The following IL7 variants were observed in gnomAD, a reference collection of about 807,000 sequenced individuals.
The protein encoded by IL7 is interleukin-7.
In IL7, 3 loss-of-function variants were observed where a neutral mutation model predicts 21.6. The observed-to-expected ratio is 0.14, with a 90% confidence interval of 0.06 to 0.36. IL7 has a LOEUF of 0.36. Ranked by LOEUF, IL7 falls within the 10% of genes least tolerant of loss-of-function variation. The probability of loss-of-function intolerance (pLI) is 1.00; values close to 1 mark genes in which losing one functional copy is unlikely to be tolerated. For synonymous variants in IL7, 62 were observed against 68.1 expected (o/e 0.91, Z 0.44); for missense variants, 175 against 200.2 (o/e 0.87, Z 0.76).
At chr8:78,780,809 C>T (rs1813303193) in intron 2 of IL7, among the ~76,000 whole-genome samples, 1 of 152,180 alleles carries the variant, frequency 6.6e-6, no homozygotes, top group Non-Finnish European at 1.5e-5. Flanking sequence ...CCTCAATGAT[C>T]TGTCTAATAT....
At chr8:78,685,056 CAG>C (rs1304814421) in intron 4 of IL7, among the ~76,000 whole-genome samples, 2 of 152,164 alleles carry the variant, frequency 1.3e-5, no homozygotes, top group Non-Finnish European at 2.9e-5. Flanking sequence ...ATTAGCCTAT[CAG>C]ATGTTAAAAT....
In IL7 at chr8:78,684,057, A is replaced by G. The variant is rs899354674; in HGVS notation, n.273+1832T>C. 7.9e-5 allele frequency among the ~76,000 whole-genome samples: 12 copies of G among 152,280 alleles called. No homozygotes were observed. In the East Asian group the frequency reaches 1.5e-3, roughly 20 times the overall value. On this transcript the variant is annotated intron_variant and non_coding_transcript_variant, in intron 4 of 4. Transcript: ENST00000523959. ...ATTCAACAAGTTTCTAGGAAGTTCC[A>G]AACTTTCCCACATTTTTCTGTCTTC...
At chr8:78,716,471 A>G (rs185066260), downstream of IL7, among the ~76,000 whole-genome samples, 231 of 152,220 alleles carry the variant, frequency 1.5e-3, 2 homozygotes, top group Non-Finnish European at 2.0e-3. Flanking sequence ...GAGTGCATGC[A>G]TAAGAGTTTG....
At position 78,804,973 on chromosome 8, in the gene IL7, A is replaced by C. The variant is rs1199247988; in HGVS notation, c.-51T>G. ...TGATGACCGCAACTGGAGCAGGAGC[A>C]AGCTCTCACCGCCCATAGTCACTCC... is the stretch of plus-strand genomic sequence containing the variant. On this transcript the variant is annotated 5_prime_UTR_variant, in exon 1 of 6. Transcript: ENST00000263851. 1 of 1,599,044 alleles carries C rather than the reference A, an allele frequency of 6.3e-7. No homozygotes were observed. Among genetic ancestry groups the C allele is most frequent in the East Asian group, 2.3e-5 (1 of 44,146 alleles).
At chr8:78,791,040 G>A (rs1283940565) in intron 2 of IL7, among the ~76,000 whole-genome samples, 2 of 152,120 alleles carry the variant, frequency 1.3e-5, no homozygotes, top group African/African-American at 4.8e-5. Flanking sequence ...AAATGGAATT[G>A]GAGAGTCCAG....
At chr8:78,754,677 G>C (rs539731626) in intron 2 of IL7, among the ~76,000 whole-genome samples, 1 of 151,994 alleles carries the variant, frequency 6.6e-6, no homozygotes, top group Non-Finnish European at 1.5e-5. Flanking sequence ...TCAGGTTTTT[G>C]TTGTTGTTTT....
At chr8:78,687,010 AT>A (rs1293934833) in intron 3 of IL7, among the ~76,000 whole-genome samples, 2 of 152,172 alleles carry the variant, frequency 1.3e-5, no homozygotes, top group Non-Finnish European at 2.9e-5. Context: ...TATAAAAAAA[AT>A]CATAATTTTC....
intron 2 of IL7, among the ~76,000 whole-genome samples, chr8:78,751,950 C>G (rs895352350): frequency 1.3e-5 from 2 of 152,038 alleles, no homozygotes; most frequent in Non-Finnish European, 2.9e-5. Flanking sequence ...CCTTTAATAC[C>G]CACAATTTTA....
rs1809902246 is a variant in IL7, at chr8:78,684,642, A to G, written n.273+1247T>C. ...GAGAATTAAGTAAGAAATTACTACA[A>G]ACAACAGGAGTAAAGGGAAGTAATG... On this transcript the variant is annotated intron_variant and non_coding_transcript_variant, in intron 4 of 4. Coordinates refer to the IL7 transcript ENST00000523959. 5.9e-5 allele frequency among the ~76,000 whole-genome samples: 9 copies of G among 152,336 alleles called. No individual in the cohort carries two copies. The South Asian group carries it at 1.9e-3, about 32-fold the overall frequency.
intron 2 of IL7, among the ~76,000 whole-genome samples, chr8:78,773,237 T>C (rs1004043572): frequency 2.0e-5 from 3 of 151,986 alleles, no homozygotes; most frequent in African/African-American, 7.2e-5. Context: ...ACATACCCAT[T>C]CACCCAGTGG....
intron 3 of IL7, among the ~76,000 whole-genome samples, chr8:78,702,533 A>G (rs538601690): frequency 3.3e-5 from 5 of 151,652 alleles, no homozygotes; most frequent in Admixed American, 6.6e-5. Context: ...TTGTTTTTCT[A>G]GTTCTTTTAG....
At chr8:78,705,333 G>A (rs887789190) in intron 3 of IL7, among the ~76,000 whole-genome samples, 14 of 152,084 alleles carry the variant, frequency 9.2e-5, no homozygotes, top group African/African-American at 3.4e-4. Context: ...TTTCCATAGG[G>A]CTGCTTGTGT....
intron 2 of IL7, among the ~76,000 whole-genome samples, chr8:78,791,155 G>A (rs1007139415): frequency 6.6e-6 from 1 of 152,048 alleles, no homozygotes; most frequent in African/African-American, 2.4e-5. Flanking sequence ...CTTATTTGTG[G>A]CTTTATAGGA....
intron 3 of IL7, among the ~76,000 whole-genome samples, chr8:78,724,803 C>G (rs1456018103): frequency 1.3e-5 from 2 of 151,974 alleles, no homozygotes; most frequent in Non-Finnish European, 2.9e-5. Flanking sequence ...ATGTTTCTCC[C>G]TCTTATATCA....
intron 2 of IL7, among the ~76,000 whole-genome samples, chr8:78,752,919 T>A (rs908136190): frequency 1.3e-5 from 2 of 152,140 alleles, no homozygotes; most frequent in African/African-American, 2.4e-5. Context: ...GCAAAGGACA[T>A]GAACTCATTA....
chr8:78,726,141 G>C (rs1382441581), intron 3 of IL7, among the ~76,000 whole-genome samples: 1 of 151,908 alleles, frequency 6.6e-6, no homozygotes, highest in Non-Finnish European at 1.5e-5. Context: ...AGAGTGTTCA[G>C]GGATGATTTC....
At chr8:78,722,574 AATATG>A (rs1811260766) in intron 3 of IL7, among the ~76,000 whole-genome samples, 1 of 151,984 alleles carries the variant, frequency 6.6e-6, no homozygotes, top group South Asian at 2.1e-4. Flanking sequence ...ACTATGATCT[AATATG>A]ATAAACAAAA....
At chr8:78,776,367 G>T (rs1813139949) in intron 2 of IL7, among the ~76,000 whole-genome samples, 1 of 152,020 alleles carries the variant, frequency 6.6e-6, no homozygotes, top group Non-Finnish European at 1.5e-5. Flanking sequence ...ACTCAGAACG[G>T]CACACAATTT....
chr8:78,735,529 T>C (rs895462889), intron 5 of IL7, among the ~76,000 whole-genome samples: 2 of 151,936 alleles, frequency 1.3e-5, no homozygotes, highest in Non-Finnish European at 2.9e-5. Flanking sequence ...AGGATGGTCT[T>C]GATCTTTCCA....
Sources: allele counts gnomAD v4.1 joint callset (sites outside exome capture counted in the v4.1 genomes callset), GRCh38; gene constraint gnomAD v4.1.1; transcripts MANE v1.5; gene names NCBI Gene and HGNC (gene_info 2026-07-23, HGNC 2026-07-21).